The following ANK2 variants were observed in gnomAD, a reference collection of about 807,000 sequenced individuals.
ANK2 encodes the protein ankyrin-2.
A neutral mutation model predicts 360.5 loss-of-function variants in ANK2; 83 were observed. The observed-to-expected ratio is 0.23, with a 90% CI of 0.19 to 0.28. The LOEUF (loss-of-function observed/expected upper bound fraction) is 0.28. ANK2 is among the 10% of genes least tolerant of loss of function. ANK2 has a pLI of 1.00. For missense variants in ANK2, 4,201 were observed against 4,795.7 expected, an observed-to-expected ratio of 0.88 and a Z score of 3.66; for synonymous variants, 1,740 against 1,759.5, an observed-to-expected ratio of 0.99 and a Z score of 0.28.
chr4:112,719,084 C>T, the ANK2 span, among the ~76,000 whole-genome samples: 1 of 152,342 alleles, frequency 6.6e-6, no homozygotes, highest in East Asian at 1.9e-4. Context: ...CTGTGTGTGT[C>T]AGCTCTGTGA....
At chr4:112,999,068 ATACATT>A (rs1177506700) in intron 2 of ANK2, among the ~76,000 whole-genome samples, 4 of 152,192 alleles carry the variant, frequency 2.6e-5, no homozygotes, top group Non-Finnish European at 4.4e-5. Flanking sequence ...ATTGCAACAC[ATACATT>A]ATACAAAATG....
chr4:112,732,927 A>C, the ANK2 span, among the ~76,000 whole-genome samples: 1 of 151,140 alleles, frequency 6.6e-6, no homozygotes, highest in South Asian at 2.1e-4. Flanking sequence ...TAAAAATACA[A>C]AAAAAAAGGG....
At chr4:112,736,897 A>G in the ANK2 span, among the ~76,000 whole-genome samples, 14 of 152,242 alleles carry the variant, frequency 9.2e-5, no homozygotes, top group Admixed American at 2.0e-4. Context: ...AAATAGTGAC[A>G]GTAATTCTCC....
chr4:113,226,778 A>G (rs956256216), intron 4 of ANK2, among the ~76,000 whole-genome samples: 1 of 152,126 alleles, frequency 6.6e-6, no homozygotes, highest in Non-Finnish European at 1.5e-5. Context: ...GACAGGAGTA[A>G]TGTTCAAAAT....
chr4:113,101,142 C>T (rs1408954551), intron 1 of ANK2, among the ~76,000 whole-genome samples: 4 of 152,028 alleles, frequency 2.6e-5, no homozygotes, highest in Middle Eastern at 6.8e-3. Context: ...AATTATAGAC[C>T]TTAATTAATT....
chr4:112,994,636 T>C (rs572023024), intron 2 of ANK2, among the ~76,000 whole-genome samples: 92 of 152,276 alleles, frequency 6.0e-4, no homozygotes, highest in African/African-American at 1.8e-3. Context: ...ATTCAGGGGG[T>C]ACATGTGCAA....
intron 4 of ANK2, among the ~76,000 whole-genome samples, chr4:113,228,545 A>C (rs1331340308): frequency 1.3e-5 from 2 of 152,212 alleles, no homozygotes; most frequent in Non-Finnish European, 2.9e-5. Flanking sequence ...GTATTAGTAC[A>C]TGGTATATAT....
intron 1 of ANK2, among the ~76,000 whole-genome samples, chr4:112,895,407 C>T (rs955418839): frequency 6.6e-6 from 1 of 152,124 alleles, no homozygotes; most frequent in African/African-American, 2.4e-5. Context: ...TCATTCAGAG[C>T]AGGATTTGCA....
intron 1 of ANK2, chr4:113,145,672 G>C (rs1050593339): frequency 1.8e-6 from 2 of 1,130,244 alleles, no homozygotes; most frequent in African/African-American, 1.6e-5. Flanking sequence ...TGCAGTTGCC[G>C]GGGGTTTTGA....
At chr4:113,100,903 T>C (rs2092719810) in intron 1 of ANK2, among the ~76,000 whole-genome samples, 1 of 152,112 alleles carries the variant, frequency 6.6e-6, no homozygotes, top group South Asian at 2.1e-4. Flanking sequence ...ATTCAAACTA[T>C]ATAACATTTT....
intron 2 of ANK2, among the ~76,000 whole-genome samples, chr4:112,949,673 A>C (rs2094801838): frequency 6.6e-6 from 1 of 152,262 alleles, no homozygotes; most frequent in South Asian, 2.1e-4. Context: ...TAAATCTGAG[A>C]TGGATTAAAG....
chr4:112,830,034 A>G (rs575107466), intron 1 of ANK2, among the ~76,000 whole-genome samples: 23 of 152,280 alleles, frequency 1.5e-4, no homozygotes, highest in African/African-American at 5.1e-4. Flanking sequence ...AAAAGTGAAC[A>G]CTTATCCACT....
chr4:113,336,335 T>C (rs1347107459), intron 30 of ANK2: 1 of 585,220 alleles, frequency 1.7e-6, no homozygotes, highest in Non-Finnish European at 2.9e-6. Context: ...AGAAATAAAT[T>C]GTTAAAGAAT....
chr4:112,756,237 C>CAAA, the ANK2 span, among the ~76,000 whole-genome samples: 1 of 119,742 alleles, frequency 8.4e-6, no homozygotes. Context: ...GACTCTGTCT[C>CAAA]AAAAAAAAAA....
intron 22 of ANK2, 43 bp from the exon 23 acceptor site, chr4:113,302,724 C>CT: frequency 6.6e-7 from 1 of 1,507,946 alleles, no homozygotes. Context: ...CTTTTGTTTA[C>CT]TTTTGGTTTC....
chr4:112,748,697 C>T, the ANK2 span, among the ~76,000 whole-genome samples: 2 of 152,114 alleles, frequency 1.3e-5, no homozygotes, highest in African/African-American at 4.8e-5. Context: ...ATCCAAGATA[C>T]TCAAATACAT....
At chr4:112,824,193 A>G (rs1253970585) in intron 1 of ANK2, among the ~76,000 whole-genome samples, 1 of 150,188 alleles carries the variant, frequency 6.7e-6, no homozygotes, top group Non-Finnish European at 1.5e-5. Context: ...CCGTCTATCT[A>G]GAGGGAGACA....
the ANK2 span, among the ~76,000 whole-genome samples, chr4:112,750,958 C>T: frequency 6.6e-6 from 1 of 152,124 alleles, no homozygotes; most frequent in African/African-American, 2.4e-5. Flanking sequence ...AACTCCTGAC[C>T]TCAGGTGATC....
intron 22 of ANK2, among the ~76,000 whole-genome samples, chr4:113,296,007 C>T (rs2071204168): frequency 6.8e-6 from 1 of 147,208 alleles, no homozygotes; most frequent in Non-Finnish European, 1.5e-5. Flanking sequence ...ATTTTTTCCA[C>T]ATAATGTATT....
Sources: gnomAD v4.1 joint callset for allele counts (sites outside exome capture counted in the v4.1 genomes callset) on GRCh38, gnomAD v4.1.1 for gene constraint, MANE v1.5 for transcripts, NCBI Gene and HGNC (gene_info 2026-07-23, HGNC 2026-07-21) for gene names.